SYT13: variants seen among roughly 807,000 people sequenced by gnomAD.
SYT13 encodes synaptotagmin 13.
Under a neutral mutation model 38.6 loss-of-function variants are expected in SYT13, and 21 were observed. That is an observed-to-expected ratio of 0.54 (90% CI 0.39 to 0.78). The LOEUF is 0.78. Among genes scored for constraint, SYT13 ranks in the 30% least tolerant of loss-of-function variants. SYT13 has a pLI of 0.00. For synonymous variants in SYT13, 241 were observed against 237.6 expected, an observed-to-expected ratio of 1.01 and a Z score of -0.13; for missense variants, 495 against 548.7, an observed-to-expected ratio of 0.90 and a Z score of 0.98.
intron 1 of SYT13, among the ~76,000 whole-genome samples, chr11:45,279,114 GCTAATCTTCAAC>G (rs1218557390): frequency 6.6e-6 from 1 of 152,154 alleles, no homozygotes; most frequent in African/African-American, 2.4e-5. Flanking sequence ...ACTTTTTTCT[GCTAATCTTCAAC>G]CTAGTCGTCA....
chr11:45,252,373 C>T lies in SYT13; in HGVS notation c.846+48G>A. On this transcript the variant is annotated intron_variant, in intron 4 of 5. Coordinates refer to ENST00000020926, the MANE Select transcript of SYT13 (RefSeq NM_020826.3). The surrounding 1 kb of genome is among the most constrained non-coding windows in gnomAD (Gnocchi z 4.3). ...GGGAGGACACCAGGTTCTGCCATCCCATGCTGCACGGGCAGGTTTTACCTT... is the reference window on the plus strand; with the variant it reads ...GGGAGGACACCAGGTTCTGCCATCCTATGCTGCACGGGCAGGTTTTACCTT... 6.6e-7 allele frequency: 1 copy of T among 1,509,152 alleles called. No homozygotes were observed. The highest frequency in any genetic ancestry group is 1.4e-5 in the African/African-American group (1 of 72,544). 93.5% of individuals were successfully genotyped at this position (1,509,152 alleles called of 1,614,324 possible). A position where few individuals can be genotyped will look rare whatever the true frequency, so the allele number is the denominator to read the frequency against.
Position 45,240,505 on chromosome 11 carries a change from CA to C in SYT13, c.*3546del, listed in dbSNP as rs1311371616. 1 of 152,554 alleles carries C rather than the reference CA, an allele frequency of 6.6e-6. No homozygotes were observed. The highest frequency in any genetic ancestry group is 1.5e-5 in the Non-Finnish European group (1 of 68,022). 9.5% of individuals were successfully genotyped at this position (152,554 alleles called of 1,614,324 possible). On this transcript the variant is annotated 3_prime_UTR_variant, in exon 6 of 6. Transcript: ENST00000020926. ...GTTTAGGTTACAGCCACATTTTACC[CA>C]GGACTCCTTTACATCCAAGAGAAAT...
chr11:45,270,436 A>G (rs977588183), intron 1 of SYT13, among the ~76,000 whole-genome samples: 2 of 152,144 alleles, frequency 1.3e-5, no homozygotes, highest in Admixed American at 1.3e-4. Context: ...TCTTTCAGAG[A>G]AGCTATAGGA....
intron 2 of SYT13, 101 bp downstream of exon 2, chr11:45,255,565 C>A (rs1854733819): frequency 6.1e-6 from 7 of 1,153,148 alleles, no homozygotes; most frequent in Non-Finnish European, 8.5e-6. Flanking sequence ...AATGCCGGGG[C>A]ACTCGGCCTC....
intron 5 of SYT13, 62 bp downstream of exon 5, chr11:45,246,321 T>A: frequency 6.3e-7 from 1 of 1,586,056 alleles, no homozygotes; most frequent in Non-Finnish European, 8.6e-7. Flanking sequence ...AGGCACCACC[T>A]CCCTCAGCAC....
rs1429515222 is a variant in SYT13, at chr11:45,243,726, T to C, written c.*326A>G. The stretch of plus-strand genomic sequence containing the variant: ...CTTGTTTTTCAAAAAGCCAAATTCT[T>C]CTTTGCATCCATGATTCCCACATTT... On this transcript the variant is annotated 3_prime_UTR_variant, in exon 6 of 6. Coordinates refer to ENST00000020926, the MANE Select transcript of SYT13 (RefSeq NM_020826.3). The C allele has an allele frequency of 7.9e-6, 2 of 251,890 alleles. No homozygotes were observed. The highest frequency in any genetic ancestry group is 2.2e-5 in the African/African-American group (1 of 45,036). The allele number at this position is 251,890 out of a possible 1,614,324, so 15.6% of individuals were successfully genotyped here.
intron 1 of SYT13, among the ~76,000 whole-genome samples, chr11:45,271,250 T>C (rs1262891007): frequency 6.6e-6 from 1 of 152,210 alleles, no homozygotes; most frequent in Non-Finnish European, 1.5e-5. Flanking sequence ...CTATTTCTGA[T>C]TCAAACTTAT....
Position 45,243,454 on chromosome 11 carries a change from C to T in SYT13, c.*598G>A, listed in dbSNP as rs914292048. The T allele has an allele frequency of 2.0e-5, 3 of 152,352 alleles. No individual in the cohort carries two copies. Among genetic ancestry groups the T allele is most frequent in the Admixed American group, 6.5e-5 (1 of 15,276 alleles). The allele number at this position is 152,352 out of a possible 1,614,324, so 9.4% of individuals were successfully genotyped here. A position where few individuals can be genotyped will look rare whatever the true frequency, so the allele number is the denominator to read the frequency against. ...ATTTCTCCACATACAGTGCTCCACC[C>T]TCTACATCAGCTTGTTAAAAAGGAA... is the stretch of plus-strand genomic sequence containing the variant. On this transcript the variant is annotated 3_prime_UTR_variant, in exon 6 of 6. Transcript: ENST00000020926.
Position 45,254,402 on chromosome 11 carries a change from C to T in SYT13, c.412G>A (p.Val138Met), listed in dbSNP as rs1236447860. 5 of 1,611,752 alleles carry T rather than the reference C, an allele frequency of 3.1e-6. No homozygotes were observed. The highest frequency in any genetic ancestry group is 3.4e-5 in the Admixed American group (2 of 59,574). ...TCCATGACACAGACATCCTCCACCA[C>T]ACCTGTTAAGAAAGTCGAAATCGTC... is the stretch of plus-strand genomic sequence containing the variant. Reference protein sequence around the residue: ...EELFILPQNGVVEDVCVMETW... With the variant: ...EELFILPQNGMVEDVCVMETW... Residue 138 changes from valine (V) to methionine (M), a missense_variant and splice_region_variant, in exon 3 of 6, where the codon GTG becomes ATG. Val to Met is a conservative substitution (Grantham distance 21). Coordinates refer to ENST00000020926, the MANE Select transcript of SYT13 (RefSeq NM_020826.3).
chr11:45,255,551 G>T, intron 2 of SYT13, 115 bp downstream of exon 2: 6 of 1,007,512 alleles, frequency 6.0e-6, no homozygotes, highest in Non-Finnish European at 8.7e-6. Context: ...CTTGGCCAGC[G>T]TCAAATGCCG....
chr11:45,274,159 T>C (rs1299562970), intron 1 of SYT13, among the ~76,000 whole-genome samples: 11 of 152,238 alleles, frequency 7.2e-5, no homozygotes, highest in Non-Finnish European at 1.6e-4. Flanking sequence ...ATTTTCATTC[T>C]GAGTTAATTT....
Position 45,252,401 on chromosome 11 carries a change from T to C in SYT13, c.846+20A>G. ...GCTGCACGGGCAGGTTTTACCTTTC[T>C]AACCCAGGGGTTACCCTACCTTCGC... On this transcript the variant is annotated intron_variant, in intron 4 of 5. Coordinates refer to ENST00000020926, the MANE Select transcript of SYT13 (RefSeq NM_020826.3). The surrounding 1 kb of genome is among the most constrained non-coding windows in gnomAD (Gnocchi z 4.3). 1.0e-5 allele frequency: 16 copies of C among 1,544,058 alleles called. No individual in the cohort carries two copies. Among genetic ancestry groups the C allele is most frequent in the Non-Finnish European group, 1.3e-5 (15 of 1,145,154 alleles).
At chr11:45,285,455 T>G (rs572783265) in intron 1 of SYT13, among the ~76,000 whole-genome samples, 8 of 152,100 alleles carry the variant, frequency 5.3e-5, no homozygotes, top group South Asian at 2.1e-4. Context: ...CGGATTCAGC[T>G]CTCTAGACCC....
At position 45,252,664 on chromosome 11, in the gene SYT13, A is replaced by G. The variant is rs1854692890; in HGVS notation, c.603T>C (p.Asn201=). 6.2e-7 allele frequency: 1 copy of G among 1,610,948 alleles called. No homozygotes were observed. The highest frequency in any genetic ancestry group is 1.1e-5 in the South Asian group (1 of 90,948). The change falls in exon 4 of 6, where the codon AAT becomes AAC. Residue 201 remains asparagine, a synonymous_variant. Coordinates refer to ENST00000020926, the MANE Select transcript of SYT13 (RefSeq NM_020826.3). This position sits in a 1 kb window ranked among gnomAD's most constrained non-coding sequence, Gnocchi z 4.3. ...TCTGAGCCTCCACAGAGCCGGTCCT[A>G]TTGGCCACACTCCCTTGGACGTAGC... The part of the protein sequence containing the change: ...CDCYVQGSVA[N]RTGSVEAQTA...
chr11:45,274,931 G>A (rs1393797463), intron 1 of SYT13, among the ~76,000 whole-genome samples: 1 of 152,068 alleles, frequency 6.6e-6, no homozygotes, highest in Non-Finnish European at 1.5e-5. Context: ...TCTCTCTAAC[G>A]TTAGCCAGAT....
At chr11:45,266,618 C>CATTTTGCCT (rs1854885103) in intron 1 of SYT13, among the ~76,000 whole-genome samples, 1 of 152,084 alleles carries the variant, frequency 6.6e-6, no homozygotes, top group African/African-American at 2.4e-5. Flanking sequence ...TCATTTTGCT[C>CATTTTGCCT]ATTTTGCCTC....
chr11:45,276,820 AGTT>A (rs1188922085), intron 1 of SYT13, among the ~76,000 whole-genome samples: 2 of 152,198 alleles, frequency 1.3e-5, no homozygotes, highest in African/African-American at 4.8e-5. Flanking sequence ...AAAATGGTGC[AGTT>A]GTTGTGGAAA....
At chr11:45,269,546 T>C (rs1432939091) in intron 1 of SYT13, 2 of 1,116,972 alleles carry the variant, frequency 1.8e-6, no homozygotes, top group African/African-American at 3.2e-5. Flanking sequence ...TATTTAATCT[T>C]CACGCAACTA....
chr11:45,277,410 A>G (rs1288974994), intron 1 of SYT13, among the ~76,000 whole-genome samples: 1 of 152,250 alleles, frequency 6.6e-6, no homozygotes, highest in African/African-American at 2.4e-5. Flanking sequence ...TTTGAAAATA[A>G]TGGTAACCTT....
Sources: gnomAD v4.1 joint callset for allele counts (sites outside exome capture counted in the v4.1 genomes callset) on GRCh38, gnomAD v4.1.1 for gene constraint, Gnocchi (gnomAD v3.1) non-coding constraint, MANE v1.5 for transcripts, NCBI Gene and HGNC (gene_info 2026-07-23, HGNC 2026-07-21) for gene names.